TMEFF2: variants seen among roughly 807,000 people sequenced by gnomAD.
The protein encoded by TMEFF2 is tomoregulin-2.
Under a neutral mutation model 53.8 loss-of-function variants are expected in TMEFF2, and 28 were observed. That is an observed-to-expected ratio of 0.52 (90% CI 0.39 to 0.71). The LOEUF is 0.71. Ranked by LOEUF, TMEFF2 falls within the 30% of genes least tolerant of loss-of-function variation. The pLI is 0.00. For synonymous variants in TMEFF2, 162 were observed against 166.3 expected (o/e 0.97, Z 0.20); for missense variants, 353 against 455.2 (o/e 0.78, Z 2.04).
intron 4 of TMEFF2, among the ~76,000 whole-genome samples, chr2:192,134,859 C>T (rs1689959350): frequency 6.6e-6 from 1 of 152,130 alleles, no homozygotes. Context: ...TCAAATCAGC[C>T]AAGCATTTTT....
intron 4 of TMEFF2, among the ~76,000 whole-genome samples, chr2:192,063,685 C>A (rs1688102012): frequency 6.6e-6 from 1 of 151,522 alleles, no homozygotes; most frequent in Admixed American, 6.6e-5. Context: ...AAATTTGCGT[C>A]TAGTTCTCTT....
chr2:192,166,083 A>G (rs1690759075), intron 4 of TMEFF2, among the ~76,000 whole-genome samples: 1 of 152,042 alleles, frequency 6.6e-6, no homozygotes, highest in Non-Finnish European at 1.5e-5. Context: ...ACGCAGTGGG[A>G]GTATAGGTGT....
At chr2:191,974,978 A>T (rs1318735886) in intron 7 of TMEFF2, among the ~76,000 whole-genome samples, 1 of 152,090 alleles carries the variant, frequency 6.6e-6, no homozygotes, top group Non-Finnish European at 1.5e-5. Flanking sequence ...ATTAATTATA[A>T]CATCATCCAA....
intron 4 of TMEFF2, among the ~76,000 whole-genome samples, chr2:192,116,900 A>G (rs1689426920): frequency 1.3e-5 from 2 of 152,204 alleles, no homozygotes; most frequent in Admixed American, 1.3e-4. Context: ...CTTTTAAGCA[A>G]GAGATCAAAC....
At chr2:192,131,997 T>A (rs1479006891) in intron 4 of TMEFF2, among the ~76,000 whole-genome samples, 2 of 151,966 alleles carry the variant, frequency 1.3e-5, no homozygotes, top group African/African-American at 2.4e-5. Context: ...GTGCAACTCG[T>A]CCCAAATCTT....
rs531991911 is a variant in TMEFF2, at chr2:192,156,656, G to A, written c.439+23012C>T. Among the ~76,000 whole-genome samples the A allele has an allele frequency of 3.3e-4, 50 of 152,156 alleles. No homozygotes were observed. In the South Asian group the frequency reaches 9.5e-3, roughly 29 times the overall value. On this transcript the variant is annotated intron_variant, in intron 4 of 9. Transcript: ENST00000272771. ...CAAATTTTACATATGCCAGAAATAT[G>A]TAGGCCATGAGAGTTCTTAAAAATA...
chr2:191,982,819 T>C (rs1294627634), intron 7 of TMEFF2, among the ~76,000 whole-genome samples: 1 of 151,820 alleles, frequency 6.6e-6, no homozygotes, highest in East Asian at 1.9e-4. Context: ...GACTCCTTAA[T>C]TTTAAAAGTT....
intron 4 of TMEFF2, among the ~76,000 whole-genome samples, chr2:192,069,603 AAT>A (rs1448701939): frequency 6.6e-6 from 1 of 151,804 alleles, no homozygotes; most frequent in Non-Finnish European, 1.5e-5. Context: ...TGAACTAATC[AAT>A]ATGTCTGCTT....
At chr2:191,982,778 A>G (rs1360194430) in intron 7 of TMEFF2, among the ~76,000 whole-genome samples, 1 of 152,110 alleles carries the variant, frequency 6.6e-6, no homozygotes, top group African/African-American at 2.4e-5. Context: ...GCATTTGAGT[A>G]TGTACAGTTT....
At chr2:192,171,019 C>T (rs1690899561) in intron 4 of TMEFF2, among the ~76,000 whole-genome samples, 1 of 152,072 alleles carries the variant, frequency 6.6e-6, no homozygotes, top group Non-Finnish European at 1.5e-5. Context: ...AAAGAAAAAG[C>T]TGTATTTTCA....
At chr2:192,002,326 C>T (rs1686384910) in intron 5 of TMEFF2, among the ~76,000 whole-genome samples, 1 of 152,126 alleles carries the variant, frequency 6.6e-6, no homozygotes, top group South Asian at 2.1e-4. Context: ...TTATATTGGT[C>T]TTTTTCTCAA....
intron 4 of TMEFF2, among the ~76,000 whole-genome samples, chr2:192,084,195 C>G (rs1336832098): frequency 6.6e-6 from 1 of 152,140 alleles, no homozygotes; most frequent in African/African-American, 2.4e-5. Context: ...CTGTAACCAT[C>G]TTTTGTGCTT....
chr2:192,147,265 T>C (rs1690274401), intron 4 of TMEFF2, among the ~76,000 whole-genome samples: 1 of 152,054 alleles, frequency 6.6e-6, no homozygotes, highest in African/African-American at 2.4e-5. Context: ...GAGCTAGAAG[T>C]AGCAGACAGT....
chr2:192,029,077 A>G (rs1039853175), intron 5 of TMEFF2: 7 of 151,414 alleles, frequency 4.6e-5, no homozygotes, highest in African/African-American at 1.7e-4. Flanking sequence ...TGCTTCCAAG[A>G]CTAGATTATA....
At chr2:192,177,278 T>C (rs1462865137) in intron 4 of TMEFF2, 2 of 151,216 alleles carry the variant, frequency 1.3e-5, no homozygotes, top group African/African-American at 4.8e-5. Flanking sequence ...ATAAGAGAGA[T>C]AGCAAGTCAA....
At chr2:192,079,826 T>A (rs1250600519) in intron 4 of TMEFF2, among the ~76,000 whole-genome samples, 1 of 152,196 alleles carries the variant, frequency 6.6e-6, no homozygotes. Flanking sequence ...TATTTATATA[T>A]CGTGTTGTGT....
intron 4 of TMEFF2, among the ~76,000 whole-genome samples, chr2:192,144,101 A>C (rs576056559): frequency 2.5e-4 from 38 of 152,228 alleles, no homozygotes; most frequent in African/African-American, 8.9e-4. Flanking sequence ...TAAGAAAAAC[A>C]TAATTTCTAT....
intron 7 of TMEFF2, among the ~76,000 whole-genome samples, chr2:191,959,035 T>TA (rs1692189433): frequency 6.6e-6 from 1 of 152,226 alleles, no homozygotes; most frequent in African/African-American, 2.4e-5. Context: ...TTTGTGATCT[T>TA]AATGTTTATG....
chr2:192,043,633 CCTACACTGTGTTT>C (rs1687539939), intron 5 of TMEFF2: 1 of 152,194 alleles, frequency 6.6e-6, no homozygotes, highest in Admixed American at 6.5e-5. Flanking sequence ...GGTCCCTGAA[CCTACACTGTGTTT>C]CTTTCCTCAG....
Sources: allele counts gnomAD v4.1 joint callset (sites outside exome capture counted in the v4.1 genomes callset), GRCh38; gene constraint gnomAD v4.1.1; transcripts MANE v1.5; gene names NCBI Gene and HGNC (gene_info 2026-07-23, HGNC 2026-07-21).